FAT3: variants seen among roughly 807,000 people sequenced by gnomAD.
FAT3 encodes the protein FAT atypical cadherin 3, also known as protocadherin Fat 3.
FAT3 carries 95 observed loss-of-function variants against 310.2 expected under a neutral mutation model. The ratio of observed to expected loss-of-function variants is 0.31; its 90% CI spans 0.26 to 0.36. The LOEUF is 0.36. FAT3 is among the 10% of genes least tolerant of loss of function. The pLI, the probability that FAT3 is intolerant of heterozygous loss-of-function variation, is 1.00. For missense variants in FAT3, 5,408 were observed against 5,715.6 expected (o/e 0.95, Z 1.74); for synonymous variants, 2,314 against 2,192.9 (o/e 1.06, Z -1.54).
intron 3 of FAT3, among the ~76,000 whole-genome samples, chr11:92,601,898 T>C: frequency 6.6e-6 from 1 of 152,018 alleles, no homozygotes; most frequent in East Asian, 1.9e-4. Context: ...TGGCTAGTAC[T>C]TAACATTTAC....
intron 3 of FAT3, among the ~76,000 whole-genome samples, chr11:92,615,847 T>C: frequency 6.6e-6 from 1 of 152,210 alleles, no homozygotes; most frequent in Non-Finnish European, 1.5e-5. Flanking sequence ...AGAGACAGTT[T>C]GTTATAATTT....
intron 3 of FAT3, among the ~76,000 whole-genome samples, chr11:92,562,280 T>C (rs1421088681): frequency 1.3e-5 from 2 of 152,208 alleles, no homozygotes; most frequent in Admixed American, 6.5e-5. Flanking sequence ...TCCTACCATA[T>C]AGAATGGGAA....
chr11:92,380,091 G>A (rs1463034268), intron 2 of FAT3, among the ~76,000 whole-genome samples: 5 of 151,748 alleles, frequency 3.3e-5, no homozygotes, highest in Non-Finnish European at 7.4e-5. Context: ...GTGTGTGTGT[G>A]TGTGTGTGTG....
intron 1 of FAT3, among the ~76,000 whole-genome samples, chr11:92,229,932 T>A (rs1436227151): frequency 6.6e-6 from 1 of 152,124 alleles, no homozygotes; most frequent in African/African-American, 2.4e-5. Context: ...TATTACTTCC[T>A]TCACCAGATA....
At chr11:92,442,081 T>TTTTATATATATATA (rs1355599282) in intron 2 of FAT3, among the ~76,000 whole-genome samples, 4 of 69,992 alleles carry the variant, frequency 5.7e-5, no homozygotes, top group African/African-American at 3.3e-4. Flanking sequence ...AATATATATT[T>TTTTATATATATATA]TATATATATA....
chr11:92,660,263 G>T (rs771974683), intron 3 of FAT3, among the ~76,000 whole-genome samples: 4 of 151,804 alleles, frequency 2.6e-5, no homozygotes, highest in Non-Finnish European at 5.9e-5. Flanking sequence ...CATTTGTGCT[G>T]CTGGGACAAG....
chr11:92,489,957 C>T (rs1240331016), intron 2 of FAT3, among the ~76,000 whole-genome samples: 1 of 149,602 alleles, frequency 6.7e-6, no homozygotes, highest in African/African-American at 2.5e-5. Context: ...CTGCAGGGTT[C>T]TCTGGAGATG....
chr11:92,849,494 A>G (rs1033075859), intron 19 of FAT3, among the ~76,000 whole-genome samples: 14 of 152,180 alleles, frequency 9.2e-5, no homozygotes, highest in African/African-American at 3.1e-4. Context: ...TGCTTCTACA[A>G]GCTGCCCTCT....
chr11:92,480,095 C>A (rs1339341477), intron 2 of FAT3, among the ~76,000 whole-genome samples: 1 of 152,062 alleles, frequency 6.6e-6, no homozygotes, highest in Non-Finnish European at 1.5e-5. Context: ...GAAACCCCAT[C>A]TCTACTAAAA....
chr11:92,546,386 A>G (rs1277924107), intron 3 of FAT3, among the ~76,000 whole-genome samples: 1 of 152,216 alleles, frequency 6.6e-6, no homozygotes, highest in African/African-American at 2.4e-5. Flanking sequence ...ACATCTTCAC[A>G]TTCTCTACTA....
At chr11:92,232,631 T>G (rs75006640) in intron 1 of FAT3, among the ~76,000 whole-genome samples, 1 of 37,090 alleles carries the variant, frequency 2.7e-5, no homozygotes, top group African/African-American at 1.2e-4. Flanking sequence ...TGATGTCGTT[T>G]TTTTTTTTTT....
At chr11:92,630,069 C>T (rs917891737) in intron 3 of FAT3, among the ~76,000 whole-genome samples, 2 of 152,084 alleles carry the variant, frequency 1.3e-5, no homozygotes. Flanking sequence ...ACTCATCAGT[C>T]CTTCTCCATC....
At chr11:92,824,339 AGAGT>A (rs754521583) in intron 13 of FAT3, among the ~76,000 whole-genome samples, 17 of 152,290 alleles carry the variant, frequency 1.1e-4, no homozygotes, top group Non-Finnish European at 2.2e-4. Flanking sequence ...CCTGGGTGAC[AGAGT>A]GAGACTCTGT....
At chr11:92,364,066 A>G (rs908837166) in intron 2 of FAT3, among the ~76,000 whole-genome samples, 1 of 152,122 alleles carries the variant, frequency 6.6e-6, no homozygotes, top group East Asian at 1.9e-4. Context: ...ATTGTGTATC[A>G]GGCTTGAGCT....
chr11:92,876,164 C>G (rs999231848), intron 22 of FAT3, among the ~76,000 whole-genome samples: 1 of 152,148 alleles, frequency 6.6e-6, no homozygotes, highest in African/African-American at 2.4e-5. Flanking sequence ...TTGGACTCCC[C>G]CCATTCCTGA....
intron 2 of FAT3, among the ~76,000 whole-genome samples, chr11:92,490,143 T>G (rs1952560948): frequency 6.6e-6 from 1 of 152,180 alleles, no homozygotes; most frequent in Non-Finnish European, 1.5e-5. Flanking sequence ...ATAATTGTTT[T>G]TGACAAAAGA....
intron 2 of FAT3, among the ~76,000 whole-genome samples, chr11:92,437,985 C>G (rs1168126226): frequency 6.6e-6 from 1 of 152,078 alleles, no homozygotes; most frequent in South Asian, 2.1e-4. Context: ...GAGAAAGGCC[C>G]TTGTTTTTAA....
chr11:92,533,519 T>A (rs1439927344), intron 3 of FAT3, among the ~76,000 whole-genome samples: 2 of 152,160 alleles, frequency 1.3e-5, no homozygotes, highest in South Asian at 2.1e-4. Context: ...GTTAACAGGA[T>A]TGTTACTTGG....
intron 1 of FAT3, among the ~76,000 whole-genome samples, chr11:92,249,331 TAGG>T (rs1426415963): frequency 6.6e-6 from 1 of 151,896 alleles, no homozygotes; most frequent in Non-Finnish European, 1.5e-5. Flanking sequence ...ACCTGTGACT[TAGG>T]AGAAGGAAAA....
Sources: allele counts gnomAD v4.1 joint callset (sites outside exome capture counted in the v4.1 genomes callset), GRCh38; gene constraint gnomAD v4.1.1; transcripts MANE v1.5; gene names NCBI Gene and HGNC (gene_info 2026-07-23, HGNC 2026-07-21).